Variants in ITCH observed in about 807,000 individuals in gnomAD.
ITCH encodes itchy E3 ubiquitin protein ligase, also known as E3 ubiquitin-protein ligase Itchy homolog.
In ITCH, 28 loss-of-function variants were observed where a neutral mutation model predicts 126.8. The ratio of observed to expected loss-of-function variants is 0.22; its 90% CI spans 0.16 to 0.30. The LOEUF (loss-of-function observed/expected upper bound fraction) is 0.30, where lower values mean the gene tolerates loss of function less well. Ranked by LOEUF, ITCH falls within the 10% of genes least tolerant of loss-of-function variation. ITCH has a pLI of 1.00. For synonymous variants in ITCH, 342 were observed against 340.0 expected, an observed-to-expected ratio of 1.01 and a Z score of -0.06; for missense variants, 631 against 1,032.4, an observed-to-expected ratio of 0.61 and a Z score of 5.33.
chr20:34,479,852 G>A (rs1988565384), intron 18 of ITCH, 63 bp downstream of exon 18: 2 of 1,403,222 alleles, frequency 1.4e-6, no homozygotes, highest in Non-Finnish European at 2.0e-6. Context: ...TTTCTCTTAG[G>A]TGCCATAACA....
At position 34,376,589 on chromosome 20, in the gene ITCH, A is replaced by G. The variant is rs1421822877; in HGVS notation, c.-22+7119A>G. The stretch of plus-strand genomic sequence containing the variant: ...GTTAGTTAGTTATTCAGAATATGCC[A>G]AGGTGCAGAGGCAGGAATGGACTTC... On this transcript the variant is annotated intron_variant, in intron 2 of 24. Coordinates refer to ENST00000374864, the MANE Select transcript of ITCH (RefSeq NM_031483.7). Among the ~76,000 whole-genome samples the G allele has an allele frequency of 2.0e-5, 3 of 152,152 alleles. No individual in the cohort carries two copies. In the East Asian group the frequency reaches 5.8e-4, roughly 29 times the overall value.
chr20:34,505,179 G>A (rs911236927), intron 24 of ITCH, among the ~76,000 whole-genome samples: 70 of 152,010 alleles, frequency 4.6e-4, no homozygotes, highest in Middle Eastern at 3.2e-3. Context: ...AAGCAGCTGG[G>A]ATTACAGGCG....
chr20:34,472,686 T>G (rs1987764478), intron 16 of ITCH, among the ~76,000 whole-genome samples: 1 of 152,176 alleles, frequency 6.6e-6, no homozygotes, highest in Non-Finnish European at 1.5e-5. Flanking sequence ...TCAGAATCAG[T>G]TTTTTTCATT....
At chr20:34,392,242 C>T (rs891796331) in intron 2 of ITCH, among the ~76,000 whole-genome samples, 3 of 152,212 alleles carry the variant, frequency 2.0e-5, no homozygotes, top group East Asian at 1.9e-4. Flanking sequence ...TGAATGTATT[C>T]TGGATGACTT....
chr20:34,488,045 CTT>C (rs1320060631), intron 20 of ITCH, among the ~76,000 whole-genome samples: 2 of 152,096 alleles, frequency 1.3e-5, no homozygotes, highest in Non-Finnish European at 2.9e-5. Context: ...AAATATAATA[CTT>C]TGTTACTGTT....
chr20:34,430,740 A>C (rs1982176569), intron 7 of ITCH, among the ~76,000 whole-genome samples: 1 of 152,162 alleles, frequency 6.6e-6, no homozygotes, highest in African/African-American at 2.4e-5. Context: ...GGCCTCCCAA[A>C]GTGCTGGGAT....
intron 6 of ITCH, among the ~76,000 whole-genome samples, chr20:34,422,165 TA>T (rs1192410702): frequency 6.7e-6 from 1 of 149,420 alleles, no homozygotes; most frequent in East Asian, 1.9e-4. Flanking sequence ...ATAAATACTC[TA>T]TGAAGTAGGT....
chr20:34,410,178 A>G (rs549456839), intron 4 of ITCH, among the ~76,000 whole-genome samples: 17 of 151,892 alleles, frequency 1.1e-4, no homozygotes, highest in African/African-American at 3.6e-4. Context: ...GACCAGCCTG[A>G]CCAACGTGGT....
chr20:34,489,759 C>T, intron 21 of ITCH, 63 bp from the exon 22 acceptor site: 1 of 1,077,010 alleles, frequency 9.3e-7, no homozygotes, highest in Non-Finnish European at 1.4e-6. Flanking sequence ...CTTAGTCTTT[C>T]CTATGTCCAG....
intron 7 of ITCH, among the ~76,000 whole-genome samples, chr20:34,428,206 A>G (rs1245784961): frequency 6.6e-6 from 1 of 152,252 alleles, no homozygotes; most frequent in Admixed American, 6.5e-5. Flanking sequence ...GTTACTACAC[A>G]ATAATGAGTA....
intron 14 of ITCH, among the ~76,000 whole-genome samples, chr20:34,465,109 G>A (rs571020893): frequency 6.6e-6 from 1 of 152,130 alleles, no homozygotes; most frequent in Non-Finnish European, 1.5e-5. Context: ...TCATCTTTTT[G>A]AATGTGAATG....
At chr20:34,481,566 A>G (rs763221687) in intron 20 of ITCH, among the ~76,000 whole-genome samples, 19 of 152,238 alleles carry the variant, frequency 1.2e-4, no homozygotes, top group South Asian at 6.2e-4. Context: ...AGACTGGGCA[A>G]TTTATAAAAA....
rs77883048 is a variant in ITCH, at chr20:34,507,940, T to C, written c.*146T>C. 7,020 of 668,282 alleles carry C rather than the reference T, an allele frequency of 0.011. 168 individuals are homozygous for C. The highest frequency in any genetic ancestry group is 0.056 in the African/African-American group (3,143 of 55,924). 41.4% of individuals were successfully genotyped at this position (668,282 alleles called of 1,614,324 possible). A position where few individuals can be genotyped will look rare whatever the true frequency, so the allele number is the denominator to read the frequency against. On this transcript the variant is annotated 3_prime_UTR_variant, in exon 25 of 25. Transcript: ENST00000374864. ...AAATTAATGTTCTCATTTAGATTTA[T>C]CTCCCAGTGATTTCTACTCAGCGTT...
chr20:34,406,890 C>T (rs113869572), intron 3 of ITCH, among the ~76,000 whole-genome samples: 4 of 152,246 alleles, frequency 2.6e-5, no homozygotes, highest in African/African-American at 9.6e-5. Flanking sequence ...CCAAGGGTTC[C>T]TTAACTTTGA....
intron 12 of ITCH, 30 bp downstream of exon 12, chr20:34,449,510 C>T (rs1568953925): frequency 2.2e-6 from 3 of 1,394,756 alleles, no homozygotes; most frequent in Non-Finnish European, 3.1e-6. Context: ...TCATGGAGTT[C>T]TGTCATTTCA....
intron 1 of ITCH, among the ~76,000 whole-genome samples, chr20:34,364,180 T>A (rs1456737231): frequency 1.3e-5 from 2 of 152,196 alleles, no homozygotes; most frequent in Admixed American, 1.3e-4. Context: ...CTAAAGTTAG[T>A]TGGACATGTA....
At chr20:34,507,415 G>T (rs2052668314) in intron 24 of ITCH, among the ~76,000 whole-genome samples, 1 of 150,850 alleles carries the variant, frequency 6.6e-6, no homozygotes, top group South Asian at 2.1e-4. Flanking sequence ...GTGCTTATTG[G>T]TCATTTGTAT....
intron 16 of ITCH, 40 bp downstream of exon 16, chr20:34,471,555 T>C (rs372461152): frequency 9.6e-6 from 12 of 1,254,502 alleles, no homozygotes; most frequent in Non-Finnish European, 1.4e-5. Context: ...CCCTGGCTGC[T>C]AGCTTAGGAC....
At chr20:34,458,095 T>G (rs2146358885) in intron 13 of ITCH, among the ~76,000 whole-genome samples, 1 of 152,290 alleles carries the variant, frequency 6.6e-6, no homozygotes, top group African/African-American at 2.4e-5. Context: ...GTTAAGAATC[T>G]AGGGTATGTG....
Sources: gnomAD v4.1 joint callset for allele counts (sites outside exome capture counted in the v4.1 genomes callset) on GRCh38, gnomAD v4.1.1 for gene constraint, MANE v1.5 for transcripts, NCBI Gene and HGNC (gene_info 2026-07-23, HGNC 2026-07-21) for gene names.